The following TNS3 variants were observed in gnomAD, a reference collection of about 807,000 sequenced individuals.
The protein encoded by TNS3 is tensin 3.
A neutral mutation model predicts 140.9 loss-of-function variants in TNS3; 45 were observed. The observed-to-expected ratio is 0.32, with a 90% confidence interval of 0.25 to 0.41. TNS3 has a LOEUF of 0.41. Among genes scored for constraint, TNS3 ranks in the 10% least tolerant of loss-of-function variants. The pLI is 1.00. For missense variants in TNS3, 1,716 were observed against 1,906.7 expected (o/e 0.90, Z 1.86); for synonymous variants, 815 against 788.4 (o/e 1.03, Z -0.56).
At chr7:47,382,673 C>T (rs1277631612) in intron 16 of TNS3, among the ~76,000 whole-genome samples, 1 of 151,826 alleles carries the variant, frequency 6.6e-6, no homozygotes, top group African/African-American at 2.4e-5. Flanking sequence ...CCCCCCAGTC[C>T]CCCACCACCC....
At chr7:47,429,728 AGCCAAAAAG>A (rs1225654030) in intron 8 of TNS3, among the ~76,000 whole-genome samples, 11 of 152,226 alleles carry the variant, frequency 7.2e-5, no homozygotes, top group Admixed American at 7.2e-4. Context: ...AATCATATAA[AGCCAAAAAG>A]GCAGGGCCTC....
chr7:47,454,331 G>T (rs1447561885), intron 4 of TNS3, among the ~76,000 whole-genome samples: 1 of 152,134 alleles, frequency 6.6e-6, no homozygotes, highest in Non-Finnish European at 1.5e-5. Context: ...GTCAAAATAG[G>T]ACCACCTGTC....
intron 15 of TNS3, among the ~76,000 whole-genome samples, chr7:47,399,385 A>G (rs1248173107): frequency 6.6e-6 from 1 of 152,210 alleles, no homozygotes; most frequent in Non-Finnish European, 1.5e-5. Flanking sequence ...TCCTAAAAAC[A>G]AAACAAAACA....
intron 4 of TNS3, among the ~76,000 whole-genome samples, chr7:47,443,291 C>G (rs1246891569): frequency 1.3e-5 from 2 of 152,186 alleles, no homozygotes. Flanking sequence ...TGGAATCCAG[C>G]CTGGCACCGC....
intron 18 of TNS3, 68 bp downstream of exon 18, chr7:47,346,119 C>T: frequency 1.3e-6 from 2 of 1,578,604 alleles, no homozygotes; most frequent in Non-Finnish European, 1.7e-6. Flanking sequence ...TGCCCATTCA[C>T]TCGGGGTTCC....
Position 47,369,413 on chromosome 7 carries a change from T to C in TNS3, c.1233A>G (p.Pro411=). ...GGGCACTCAGGCCCCTCCTGGTTCC[T>C]GGGGCCAGGCGCTCTTCCGTCTTAT... ...RTDKTEERLA[P]GTRRGLSAQE... The change falls in exon 17 of 31, where the codon CCA becomes CCG. Residue 411 remains proline (P), a synonymous_variant. Transcript: ENST00000311160. 1 of 1,614,054 alleles carries C rather than the reference T, an allele frequency of 6.2e-7. No homozygotes were observed.
At chr7:47,433,247 G>A (rs576235847) in intron 8 of TNS3, among the ~76,000 whole-genome samples, 5 of 152,360 alleles carry the variant, frequency 3.3e-5, no homozygotes, top group East Asian at 1.9e-4. Context: ...AAATGTCAGC[G>A]ATTTCACCCC....
At chr7:47,477,189 C>T (rs946588311) in intron 4 of TNS3, among the ~76,000 whole-genome samples, 4 of 152,192 alleles carry the variant, frequency 2.6e-5, no homozygotes, top group Non-Finnish European at 4.4e-5. Context: ...TGCCTTCTTT[C>T]TGCCCTACCA....
At position 47,276,797 on chromosome 7, in the gene TNS3, T is replaced by C. The variant is rs557077886; in HGVS notation, c.*1279A>G. ...AAAACAGCTTGTCAGTACCGGGGTT[T>C]CTTCTCTTTTTCCTCATCCTCCCTT... On this transcript the variant is annotated 3_prime_UTR_variant, in exon 31 of 31. Coordinates refer to ENST00000311160, the MANE Select transcript of TNS3 (RefSeq NM_022748.12). The C allele has an allele frequency of 6.6e-6, 1 of 152,384 alleles. No individual in the cohort carries two copies. The highest frequency in any genetic ancestry group is 2.4e-5 in the African/African-American group (1 of 41,572). 9.4% of individuals were successfully genotyped at this position (152,384 alleles called of 1,614,324 possible).
At chr7:47,545,057 G>A (rs1178025430) in intron 1 of TNS3, among the ~76,000 whole-genome samples, 1 of 151,692 alleles carries the variant, frequency 6.6e-6, no homozygotes, top group African/African-American at 2.4e-5. Context: ...CTCCAGGGGG[G>A]TAAAGAAAAA....
intron 4 of TNS3, 29 bp from the exon 5 acceptor site, chr7:47,442,084 G>T (rs746298791): frequency 8.0e-6 from 10 of 1,251,464 alleles, no homozygotes; most frequent in African/African-American, 1.6e-5. Flanking sequence ...GGGTCATTTT[G>T]AAGTTTCCTT....
chr7:47,446,395 G>A (rs994637163), intron 4 of TNS3, among the ~76,000 whole-genome samples: 17 of 152,108 alleles, frequency 1.1e-4, no homozygotes, highest in African/African-American at 4.1e-4. Context: ...GGACCCTATC[G>A]CCAATGTCAA....
chr7:47,478,922 A>G (rs1797306590), intron 4 of TNS3, among the ~76,000 whole-genome samples: 1 of 127,654 alleles, frequency 7.8e-6, no homozygotes, highest in Admixed American at 8.7e-5. Context: ...TGTACGCACA[A>G]CAATTACACA....
chr7:47,306,428 C>CGG (rs1786756943), intron 20 of TNS3, among the ~76,000 whole-genome samples: 1 of 152,236 alleles, frequency 6.6e-6, no homozygotes, highest in Non-Finnish European at 1.5e-5. Context: ...AGCTCCATCT[C>CGG]TACCAAGACA....
chr7:47,300,779 G>A (rs900887932), intron 23 of TNS3, among the ~76,000 whole-genome samples: 3 of 152,212 alleles, frequency 2.0e-5, no homozygotes, highest in Non-Finnish European at 4.4e-5. Context: ...CACAGTCATC[G>A]GGATTCTTGA....
At chr7:47,487,027 A>G (rs777619853) in intron 3 of TNS3, among the ~76,000 whole-genome samples, 5 of 152,216 alleles carry the variant, frequency 3.3e-5, no homozygotes, top group Admixed American at 6.5e-5. Flanking sequence ...GGCCGGGCGC[A>G]GTAGCTCAAA....
intron 17 of TNS3, among the ~76,000 whole-genome samples, chr7:47,352,643 G>A (rs1789755849): frequency 6.6e-6 from 1 of 152,174 alleles, no homozygotes; most frequent in Non-Finnish European, 1.5e-5. Flanking sequence ...CCTTCTCCAG[G>A]ACGAGGCCAC....
chr7:47,488,869 G>A (rs1308721666), intron 3 of TNS3, among the ~76,000 whole-genome samples: 1 of 152,210 alleles, frequency 6.6e-6, no homozygotes, highest in Non-Finnish European at 1.5e-5. Context: ...AATGGTGCCT[G>A]GGGACAGGGG....
At chr7:47,311,241 CTT>C (rs1787072777) in intron 20 of TNS3, among the ~76,000 whole-genome samples, 2 of 152,164 alleles carry the variant, frequency 1.3e-5, no homozygotes, top group Admixed American at 1.3e-4. Context: ...TGTTTCCTGA[CTT>C]TTTAATGATT....
Sources: gnomAD v4.1 joint callset for allele counts (sites outside exome capture counted in the v4.1 genomes callset) on GRCh38, gnomAD v4.1.1 for gene constraint, MANE v1.5 for transcripts, NCBI Gene and HGNC (gene_info 2026-07-23, HGNC 2026-07-21) for gene names.